Variants in SEPTIN6 observed in about 807,000 individuals in gnomAD.
SEPTIN6 encodes the protein septin-6.
SEPTIN6 carries 8 observed loss-of-function variants against 33.6 expected under a neutral mutation model. The observed-to-expected ratio is 0.24, with a 90% confidence interval of 0.14 to 0.43. The LOEUF is 0.43. Ranked by LOEUF, SEPTIN6 falls within the 20% of genes least tolerant of loss-of-function variation. The pLI, the probability that SEPTIN6 is intolerant of heterozygous loss-of-function variation, is 1.00. For synonymous variants in SEPTIN6, 131 were observed against 140.0 expected, an observed-to-expected ratio of 0.94 and a Z score of 0.45; for missense variants, 250 against 340.8, an observed-to-expected ratio of 0.73 and a Z score of 2.10.
At chrX:119,667,036 C>G (rs2054652814) in intron 2 of SEPTIN6, among the ~76,000 whole-genome samples, 1 of 111,076 alleles carries the variant, frequency 9.0e-6, no homozygotes, top group Admixed American at 9.6e-5. Context: ...CCATGTACAT[C>G]CTTACCCCCA....
At chrX:119,642,505 C>T (rs889822923) in intron 5 of SEPTIN6, among the ~76,000 whole-genome samples, 6 of 110,129 alleles carry the variant, frequency 5.4e-5, no homozygotes, top group African/African-American at 2.0e-4. Context: ...AACAGAATAA[C>T]TTCAAACCCC....
chrX:119,621,367 CAT>C (rs1459402153), intron 10 of SEPTIN6, among the ~76,000 whole-genome samples: 14 of 108,982 alleles, frequency 1.3e-4, no homozygotes, highest in Admixed American at 3.0e-4. Flanking sequence ...ATCCCCATTT[CAT>C]ATGAGTAGAC....
chrX:119,645,197 C>G (rs780794371), intron 5 of SEPTIN6, among the ~76,000 whole-genome samples: 2 of 104,724 alleles, frequency 1.9e-5, no homozygotes, highest in Non-Finnish European at 3.9e-5. Context: ...TGTGAGCCAC[C>G]GCGCCTGGCC....
At chrX:119,682,362 C>T (rs2054975771) in intron 1 of SEPTIN6, among the ~76,000 whole-genome samples, 1 of 111,561 alleles carries the variant, frequency 9.0e-6, no homozygotes, top group Non-Finnish European at 1.9e-5. Context: ...AGCTTTGCAG[C>T]AGGGGTAATT....
At chrX:119,692,286 T>C (rs1313616216) in intron 1 of SEPTIN6, among the ~76,000 whole-genome samples, 1 of 106,284 alleles carries the variant, frequency 9.4e-6, no homozygotes, top group Non-Finnish European at 1.9e-5. Flanking sequence ...CTCCAAAACA[T>C]GCCAAAATAC....
chrX:119,672,078 T>C (rs953108877), intron 2 of SEPTIN6, among the ~76,000 whole-genome samples: 5 of 111,908 alleles, frequency 4.5e-5, no homozygotes, highest in Non-Finnish European at 9.4e-5. Flanking sequence ...GAGGGCAGGA[T>C]GCGTGCATTG....
rs193137929 is a variant in SEPTIN6 at position 119,669,463 on chromosome X, G to A, written c.146-5786C>T. On this transcript the variant is annotated intron_variant, in intron 2 of 10. Transcript: ENST00000394610. ...ATTCCAGGAACTCCGGTTGGCTAAGGAAGCCTATGGAAAGGGACAAGGTTA... is the reference window on the plus strand; with the variant it reads ...ATTCCAGGAACTCCGGTTGGCTAAGAAAGCCTATGGAAAGGGACAAGGTTA... 5.4e-3 allele frequency among the ~76,000 whole-genome samples: 607 copies of A among 112,293 alleles called. 7 individuals carry two copies. Among genetic ancestry groups the A allele is most frequent in the African/African-American group, 0.019 (574 of 30,950 alleles).
chrX:119,647,817 C>T (rs1466766803), intron 5 of SEPTIN6, among the ~76,000 whole-genome samples: 1 of 107,951 alleles, frequency 9.3e-6, no homozygotes, highest in East Asian at 2.8e-4. Context: ...CCATGCCTGG[C>T]TAATTTTGTC....
intron 7 of SEPTIN6, among the ~76,000 whole-genome samples, chrX:119,634,535 G>C (rs75491821): frequency 9.0e-6 from 1 of 111,521 alleles, no homozygotes. Flanking sequence ...AGTAGAGGCA[G>C]ACAAAGTTCC....
At chrX:119,682,469 T>C (rs1020374405) in intron 1 of SEPTIN6, among the ~76,000 whole-genome samples, 2 of 110,542 alleles carry the variant, frequency 1.8e-5, no homozygotes, top group Non-Finnish European at 3.8e-5. Context: ...CCAATTACAT[T>C]TCCTGTTTTC....
intron 5 of SEPTIN6, among the ~76,000 whole-genome samples, chrX:119,643,343 T>C (rs1353671130): frequency 9.2e-6 from 1 of 108,828 alleles, no homozygotes; most frequent in Non-Finnish European, 1.9e-5. Flanking sequence ...CTCTCAGCTG[T>C]AAGTGATGGA....
At chrX:119,666,149 C>T (rs2054635112) in intron 2 of SEPTIN6, among the ~76,000 whole-genome samples, 1 of 111,117 alleles carries the variant, frequency 9.0e-6, no homozygotes, top group South Asian at 3.8e-4. Context: ...ATTACTCTGG[C>T]CTGCCCTTTG....
intron 3 of SEPTIN6, among the ~76,000 whole-genome samples, chrX:119,660,896 G>C (rs747468513): frequency 9.4e-6 from 1 of 106,377 alleles, no homozygotes; most frequent in South Asian, 4.4e-4. Context: ...AGAAAAATTA[G>C]CAGGGTGTGG....
chrX:119,690,977 C>A (rs988390859), intron 1 of SEPTIN6, among the ~76,000 whole-genome samples: 8 of 110,453 alleles, frequency 7.2e-5, no homozygotes, highest in Non-Finnish European at 1.1e-4. Context: ...TGGAGAGTGA[C>A]GTCAGTTTTC....
At chrX:119,647,944 C>T (rs1569428670) in intron 5 of SEPTIN6, among the ~76,000 whole-genome samples, 2 of 107,221 alleles carry the variant, frequency 1.9e-5, no homozygotes, top group South Asian at 3.8e-4. Flanking sequence ...TTAGCCACCG[C>T]GCCCGGCCAC....
chrX:119,637,578 C>T (rs775686442), intron 6 of SEPTIN6, among the ~76,000 whole-genome samples: 1 of 109,503 alleles, frequency 9.1e-6, no homozygotes, highest in East Asian at 2.9e-4. Flanking sequence ...TCCATCCATC[C>T]ATCCATCCAT....
intron 3 of SEPTIN6, among the ~76,000 whole-genome samples, chrX:119,663,119 G>A (rs1437753034): frequency 1.8e-5 from 2 of 111,817 alleles, no homozygotes; most frequent in African/African-American, 3.3e-5. Context: ...GCTTAAAACC[G>A]GTTTTGCCTA....
intron 3 of SEPTIN6, 35 bp downstream of exon 3, chrX:119,663,447 C>CT: frequency 1.1e-6 from 1 of 896,687 alleles, no homozygotes. Context: ...CTCTACCAAC[C>CT]TCCCCACCCT....
At chrX:119,688,505 G>A (rs780075744) in intron 1 of SEPTIN6, among the ~76,000 whole-genome samples, 4 of 110,748 alleles carry the variant, frequency 3.6e-5, no homozygotes, top group African/African-American at 1.3e-4. Flanking sequence ...TCAGGAGTTC[G>A]AGACCAGCCT....
Sources: allele counts gnomAD v4.1 joint callset (sites outside exome capture counted in the v4.1 genomes callset), GRCh38; gene constraint gnomAD v4.1.1; transcripts MANE v1.5; gene names NCBI Gene and HGNC (gene_info 2026-07-23, HGNC 2026-07-21).